Variants in CDH23 observed in about 807,000 individuals in gnomAD.
CDH23 encodes the protein cadherin related 23.
In CDH23, 189 loss-of-function variants were observed where a neutral mutation model predicts 317.1. The observed-to-expected ratio is 0.60, with a 90% CI of 0.53 to 0.67. The LOEUF (loss-of-function observed/expected upper bound fraction) is 0.67. CDH23 is among the 30% of genes least tolerant of loss of function. The pLI is 0.00. For missense variants in CDH23, 4,401 were observed against 4,592.4 expected (o/e 0.96, Z 1.20); for synonymous variants, 1,839 against 1,876.8 (o/e 0.98, Z 0.52).
intron 6 of CDH23, among the ~76,000 whole-genome samples, chr10:71,532,721 T>TG (rs796615067): frequency 4.4e-4 from 16 of 36,136 alleles, no homozygotes; most frequent in South Asian, 2.8e-3. Context: ...GTTTTTTTTT[T>TG]TTTTTGTTTT....
intron 34 of CDH23, among the ~76,000 whole-genome samples, chr10:71,738,164 A>G (rs1839621218): frequency 6.6e-6 from 1 of 152,248 alleles, no homozygotes; most frequent in Admixed American, 6.5e-5. Flanking sequence ...CTAGACCAGC[A>G]TTCCTAGCCT....
chr10:71,520,279 TA>T (rs1387866407), intron 6 of CDH23, among the ~76,000 whole-genome samples: 1 of 152,018 alleles, frequency 6.6e-6, no homozygotes. Flanking sequence ...GTGGGAAACA[TA>T]AAACAAAGAC....
intron 11 of CDH23, among the ~76,000 whole-genome samples, chr10:71,633,815 C>T (rs1862132520): frequency 6.6e-6 from 1 of 152,150 alleles, no homozygotes; most frequent in South Asian, 2.1e-4. Context: ...CGCCAGTCCT[C>T]GCTCCCCATC....
intron 3 of CDH23, among the ~76,000 whole-genome samples, chr10:71,447,254 G>A (rs1428046279): frequency 6.6e-6 from 1 of 152,190 alleles, no homozygotes; most frequent in Non-Finnish European, 1.5e-5. Context: ...AGGCAGGATG[G>A]CTCGGAGTGG....
intron 1 of CDH23, among the ~76,000 whole-genome samples, chr10:71,426,334 G>A (rs1322456386): frequency 6.6e-6 from 1 of 152,250 alleles, no homozygotes; most frequent in East Asian, 1.9e-4. Context: ...CATCCTGTGA[G>A]AGAATGGGGG....
intron 6 of CDH23, among the ~76,000 whole-genome samples, chr10:71,518,731 A>C (rs750000584): frequency 1.7e-4 from 26 of 152,334 alleles, no homozygotes; most frequent in Non-Finnish European, 2.1e-4. Context: ...CCTTGCCTGC[A>C]GGGAAGATTC....
chr10:71,645,569 A>G (rs1862800774), intron 12 of CDH23: 1 of 658,490 alleles, frequency 1.5e-6, no homozygotes, highest in Admixed American at 1.9e-5. Context: ...GAACCAAACC[A>G]CCTGAAGGGG....
Position 71,778,310 on chromosome 10 carries a change from T to A in CDH23, c.5187+2T>A. 1 of 1,613,718 alleles carries A rather than the reference T, an allele frequency of 6.2e-7. No homozygotes were observed. Among genetic ancestry groups the A allele is most frequent in the Non-Finnish European group, 8.5e-7 (1 of 1,179,818 alleles). ...CACCGCCTCACCTCTACCACCACGGTGGGTGCATGGGACACAGCCCCAACT... is the reference window on the plus strand; with the variant it reads ...CACCGCCTCACCTCTACCACCACGGAGGGTGCATGGGACACAGCCCCAACT... On this transcript the variant is annotated splice_donor_variant, in intron 40 of 69. Transcript: ENST00000224721. LOFTEE classifies it high-confidence loss of function.
Position 71,446,295 on chromosome 10 carries a change from C to T in CDH23, c.68-23C>T, listed in dbSNP as rs367953860. On this transcript the variant is annotated intron_variant, in intron 2 of 69. Transcript: ENST00000224721. ...AAGCTGATGGGGGGTACTTGGCTGACGCTCTTGTCCTCTGACTTCCAGGCC... is the reference window on the plus strand; with the variant it reads ...AAGCTGATGGGGGGTACTTGGCTGATGCTCTTGTCCTCTGACTTCCAGGCC... 4.8e-5 allele frequency: 78 copies of T among 1,612,440 alleles called. No homozygotes were observed. The African/African-American group carries it at 6.4e-4, about 13-fold the overall frequency.
chr10:71,762,082 A>T (rs1045865582), intron 38 of CDH23: 1 of 1,513,966 alleles, frequency 6.6e-7, no homozygotes, highest in Non-Finnish European at 8.8e-7. Context: ...ACTCCTGGCA[A>T]CCCCAGAGCG....
chr10:71,451,212 C>T (rs1379315606), intron 3 of CDH23, among the ~76,000 whole-genome samples: 1 of 152,142 alleles, frequency 6.6e-6, no homozygotes, highest in Admixed American at 6.5e-5. Context: ...AAGGTCCAAG[C>T]CCAGTTACCC....
intron 32 of CDH23, chr10:71,732,680 C>T: frequency 2.2e-6 from 3 of 1,337,420 alleles, no homozygotes; most frequent in South Asian, 1.9e-5. Context: ...CCCTGTAACA[C>T]ATCCATTTTC....
chr10:71,630,738 C>T (rs971660226), intron 11 of CDH23, among the ~76,000 whole-genome samples: 2 of 152,186 alleles, frequency 1.3e-5, no homozygotes, highest in African/African-American at 2.4e-5. Context: ...TCCAGGGCCT[C>T]GGTGAGGGGC....
intron 1 of CDH23, among the ~76,000 whole-genome samples, chr10:71,424,202 G>A (rs975445970): frequency 1.3e-5 from 2 of 152,182 alleles, no homozygotes; most frequent in African/African-American, 4.8e-5. Context: ...TTTGAAACTG[G>A]ATCTCGCTCC....
intron 19 of CDH23, among the ~76,000 whole-genome samples, chr10:71,688,659 G>A: frequency 1.5e-5 from 2 of 135,662 alleles, no homozygotes; most frequent in East Asian, 2.4e-4. Context: ...GATGGAGCCA[G>A]GGGTGGTGGA....
chr10:71,689,056 G>A (rs1012522546), intron 19 of CDH23, among the ~76,000 whole-genome samples: 40 of 121,364 alleles, frequency 3.3e-4, no homozygotes, highest in Non-Finnish European at 4.5e-4. Context: ...GCCAGGGATG[G>A]TGGAGCCAGG....
chr10:71,650,518 A>G (rs1863116757), intron 14 of CDH23, among the ~76,000 whole-genome samples: 1 of 152,140 alleles, frequency 6.6e-6, no homozygotes, highest in East Asian at 1.9e-4. Context: ...GTTTGCAGCT[A>G]TGTATACTCA....
At chr10:71,417,617 T>G (rs1361242923) in intron 1 of CDH23, among the ~76,000 whole-genome samples, 4 of 152,184 alleles carry the variant, frequency 2.6e-5, no homozygotes, top group Admixed American at 1.3e-4. Context: ...CATCTGTCCT[T>G]CTTTTTCTTT....
At chr10:71,557,624 C>T (rs992702557) in intron 6 of CDH23, among the ~76,000 whole-genome samples, 1 of 152,122 alleles carries the variant, frequency 6.6e-6, no homozygotes, top group African/African-American at 2.4e-5. Flanking sequence ...CTGAACAATG[C>T]GTTCATGCTA....
Sources: gnomAD v4.1 joint callset for allele counts (sites outside exome capture counted in the v4.1 genomes callset) on GRCh38, gnomAD v4.1.1 for gene constraint, MANE v1.5 for transcripts, NCBI Gene and HGNC (gene_info 2026-07-23, HGNC 2026-07-21) for gene names.